WIPF2: variants seen among roughly 807,000 people sequenced by gnomAD.
WIPF2 encodes the protein WAS/WASL interacting protein family member 2.
In WIPF2, 23 loss-of-function variants were observed where a neutral mutation model predicts 38.8. That is an observed-to-expected ratio of 0.59 (90% confidence interval 0.43 to 0.84). WIPF2 has a LOEUF of 0.84. Ranked by LOEUF, WIPF2 falls within the 40% of genes least tolerant of loss-of-function variation. The pLI is 0.00. For synonymous variants in WIPF2, 210 were observed against 223.2 expected, an observed-to-expected ratio of 0.94 and a Z score of 0.53; for missense variants, 574 against 580.5, an observed-to-expected ratio of 0.99 and a Z score of 0.11.
intron 1 of WIPF2, among the ~76,000 whole-genome samples, chr17:40,255,044 A>C (rs1249268412): frequency 6.6e-6 from 1 of 151,656 alleles, no homozygotes; most frequent in Non-Finnish European, 1.5e-5. Context: ...TGATTTTTAC[A>C]TTTTTAAGAG....
chr17:40,252,918 A>G (rs1005685169), intron 1 of WIPF2, among the ~76,000 whole-genome samples: 1 of 150,110 alleles, frequency 6.7e-6, no homozygotes, highest in African/African-American at 2.5e-5. Flanking sequence ...CCCATGTGCC[A>G]CCATGCCTGG....
chr17:40,280,848 G>A lies in WIPF2; in HGVS notation c.*2623G>A, dbSNP rs2032531852. On this transcript the variant is annotated 3_prime_UTR_variant, in exon 8 of 8. Coordinates refer to ENST00000323571, the MANE Select transcript of WIPF2 (RefSeq NM_133264.5). ...CTTGGCCTCATGCAAAAAGGCCTGG[G>A]TCTAGATCTAGTCAGATGAGTTTTT... 6.6e-6 allele frequency: 1 copy of A among 152,478 alleles called. No homozygotes were observed. Among genetic ancestry groups the A allele is most frequent in the South Asian group, 2.1e-4 (1 of 4,824 alleles). The allele number at this position is 152,478 out of a possible 1,614,324, so 9.4% of individuals were successfully genotyped here. A position where few individuals can be genotyped will look rare whatever the true frequency, so the allele number is the denominator to read the frequency against.
rs2032543376 is a variant in WIPF2 at position 40,281,413 on chromosome 17, A to G, written c.*3188A>G. 1 of 152,158 alleles carries G rather than the reference A, an allele frequency of 6.6e-6. No individual in the cohort carries two copies. The highest frequency in any genetic ancestry group is 1.5e-5 in the Non-Finnish European group (1 of 68,044). 9.4% of individuals were successfully genotyped at this position (152,158 alleles called of 1,614,324 possible). ...TGAACCTGGACCAAAGCACTTTGAT[A>G]TTCCAGGTGTGATTTTCTCTGTCAT... On this transcript the variant is annotated 3_prime_UTR_variant, in exon 8 of 8. Coordinates refer to ENST00000323571, the MANE Select transcript of WIPF2 (RefSeq NM_133264.5).
chr17:40,242,653 C>T (rs989537118), intron 1 of WIPF2, among the ~76,000 whole-genome samples: 2 of 152,162 alleles, frequency 1.3e-5, no homozygotes, highest in South Asian at 2.1e-4. Context: ...CCACCTGCCT[C>T]GGCCTTCCAG....
Position 40,250,914 on chromosome 17 carries a change from C to CTTT in WIPF2, c.-69-5456_-69-5454dup, listed in dbSNP as rs1020649049. ...GCCAGTACACGTTAGCTATTAGATT[C>CTTT]TTTTTTTTTTTTTTTTTTTTTTTGA... On this transcript the variant is annotated intron_variant, in intron 1 of 7. Coordinates refer to ENST00000323571, the MANE Select transcript of WIPF2 (RefSeq NM_133264.5). 3.1e-3 allele frequency among the ~76,000 whole-genome samples: 281 copies of CTTT among 90,286 alleles called. 2 individuals are homozygous for CTTT. The highest frequency in any genetic ancestry group is 5.3e-3 in the African/African-American group (124 of 23,458). 59.2% of individuals were successfully genotyped at this position (90,286 alleles called of 152,430 possible).
chr17:40,277,013 T>G, intron 6 of WIPF2, 70 bp from the exon 7 acceptor site: 2 of 1,337,812 alleles, frequency 1.5e-6, no homozygotes, highest in East Asian at 4.7e-5. Flanking sequence ...GTGGGGAGGG[T>G]CGAAGCGATC....
intron 1 of WIPF2, among the ~76,000 whole-genome samples, chr17:40,255,663 CTGTCA>C (rs2031701389): frequency 7.3e-6 from 1 of 136,982 alleles, no homozygotes; most frequent in Non-Finnish European, 1.6e-5. Context: ...GAATCTCGCT[CTGTCA>C]TCCAGGCTGG....
At chr17:40,250,399 T>G in intron 1 of WIPF2, among the ~76,000 whole-genome samples, 1 of 149,564 alleles carries the variant, frequency 6.7e-6, no homozygotes, top group South Asian at 2.1e-4. Context: ...CCCGGCTAAT[T>G]TTTTGTATTT....
At chr17:40,220,591 A>ATATATG (rs1555558050) in intron 1 of WIPF2, 53 of 76,670 alleles carry the variant, frequency 6.9e-4, no homozygotes, top group Non-Finnish European at 1.1e-3. Context: ...ATATATATAT[A>ATATATG]TATATATATA....
chr17:40,236,139 T>G (rs2030958238), intron 1 of WIPF2, among the ~76,000 whole-genome samples: 1 of 151,764 alleles, frequency 6.6e-6, no homozygotes, highest in Admixed American at 6.6e-5. Context: ...ATTTTTTGTA[T>G]TTTTGGTGAC....
At chr17:40,229,606 A>G (rs979570537) in intron 1 of WIPF2, among the ~76,000 whole-genome samples, 2 of 151,908 alleles carry the variant, frequency 1.3e-5, no homozygotes, top group Non-Finnish European at 2.9e-5. Flanking sequence ...TTTTTAGTAG[A>G]GATGGGGTTT....
intron 1 of WIPF2, chr17:40,220,627 A>G (rs1241220783): frequency 1.6e-5 from 2 of 127,078 alleles, no homozygotes; most frequent in Admixed American, 8.6e-5. Context: ...ATGTATATAT[A>G]TATATTTTTT....
At chr17:40,234,723 C>T (rs1022068728) in intron 1 of WIPF2, among the ~76,000 whole-genome samples, 2 of 152,140 alleles carry the variant, frequency 1.3e-5, no homozygotes, top group Non-Finnish European at 2.9e-5. Flanking sequence ...AGGGAAACCT[C>T]GTTGCAGGAA....
chr17:40,224,043 A>G (rs1426741729), intron 1 of WIPF2, among the ~76,000 whole-genome samples: 2 of 151,970 alleles, frequency 1.3e-5, no homozygotes, highest in Admixed American at 6.6e-5. Flanking sequence ...CAACCCCAGG[A>G]AGAGTTGCAG....
chr17:40,233,450 A>G (rs1343188933), intron 1 of WIPF2, among the ~76,000 whole-genome samples: 3 of 151,238 alleles, frequency 2.0e-5, no homozygotes, highest in Admixed American at 2.0e-4. Flanking sequence ...CCTGATGTAT[A>G]TTATCCATAT....
chr17:40,273,731 T>A, intron 5 of WIPF2, 59 bp from the exon 6 acceptor site: 1 of 1,088,646 alleles, frequency 9.2e-7, no homozygotes, highest in Non-Finnish European at 1.4e-6. Flanking sequence ...GTGTTTCAAG[T>A]CATTCTACCC....
At chr17:40,230,942 G>C (rs957087929) in intron 1 of WIPF2, among the ~76,000 whole-genome samples, 8 of 152,128 alleles carry the variant, frequency 5.3e-5, no homozygotes, top group Non-Finnish European at 1.5e-5. Flanking sequence ...TTATAATTCT[G>C]AATATATGAA....
intron 1 of WIPF2, among the ~76,000 whole-genome samples, chr17:40,245,312 C>A (rs2031327164): frequency 6.6e-6 from 1 of 151,984 alleles, no homozygotes; most frequent in Non-Finnish European, 1.5e-5. Context: ...GGCTTAGCAA[C>A]CTCAGCATTG....
intron 1 of WIPF2, among the ~76,000 whole-genome samples, chr17:40,228,400 C>G (rs185392226): frequency 6.6e-6 from 1 of 152,200 alleles, no homozygotes; most frequent in African/African-American, 2.4e-5. Context: ...TACACAGTTT[C>G]CAGTCTTTTG....
Sources: allele counts gnomAD v4.1 joint callset (sites outside exome capture counted in the v4.1 genomes callset), GRCh38; gene constraint gnomAD v4.1.1; transcripts MANE v1.5; gene names NCBI Gene and HGNC (gene_info 2026-07-23, HGNC 2026-07-21).